The following CELF4 variants were observed in gnomAD, a reference collection of about 807,000 sequenced individuals.
CELF4 encodes the protein CUGBP Elav-like family member 4.
In CELF4, 18 loss-of-function variants were observed where a neutral mutation model predicts 59.9. The ratio of observed to expected loss-of-function variants is 0.30; its 90% confidence interval spans 0.21 to 0.45. The LOEUF (loss-of-function observed/expected upper bound fraction) is 0.45. CELF4 is among the 20% of genes least tolerant of loss of function. The pLI is 1.00. For missense variants in CELF4, 456 were observed against 689.0 expected (o/e 0.66, Z 3.79); for synonymous variants, 261 against 267.1 (o/e 0.98, Z 0.22).
intron 1 of CELF4, among the ~76,000 whole-genome samples, chr18:37,523,545 G>T (rs1220639167): frequency 6.6e-6 from 1 of 152,194 alleles, no homozygotes; most frequent in Non-Finnish European, 1.5e-5. Flanking sequence ...ACTGCTGGGA[G>T]AACAGGCGGC....
intron 2 of CELF4, among the ~76,000 whole-genome samples, chr18:37,463,851 C>T (rs1163345878): frequency 2.0e-5 from 3 of 152,142 alleles, no homozygotes; most frequent in Non-Finnish European, 2.9e-5. Context: ...CTGTCCCCAC[C>T]CAACTGAGTG....
intron 3 of CELF4, among the ~76,000 whole-genome samples, chr18:37,283,360 C>G (rs1023268377): frequency 6.6e-6 from 1 of 152,030 alleles, no homozygotes; most frequent in South Asian, 2.1e-4. Flanking sequence ...TGCTGAAACC[C>G]TGTGGTGGCT....
chr18:37,500,897 C>T (rs1267544508), intron 1 of CELF4, among the ~76,000 whole-genome samples: 2 of 152,130 alleles, frequency 1.3e-5, no homozygotes. Flanking sequence ...ACTGGGGAGG[C>T]TGAAGCACGT....
chr18:37,391,569 T>C (rs1315896257), intron 2 of CELF4, among the ~76,000 whole-genome samples: 2 of 152,198 alleles, frequency 1.3e-5, no homozygotes, highest in Non-Finnish European at 2.9e-5. Flanking sequence ...CATGATCTGT[T>C]CATGTGTCTA....
In CELF4 at chr18:37,414,226, CTATCTATCT is replaced by C. The variant is rs1240389532; in HGVS notation, c.369+71290_369+71298del. ...TCTATCTATCTATCTATCTATCTATCTATCTATCTATCTATCTATCCATCCATTCATACT... is the reference window on the plus strand; with the variant it reads ...TCTATCTATCTATCTATCTATCTATCATCTATCTATCCATCCATTCATACT... On this transcript the variant is annotated intron_variant, in intron 2 of 12. Coordinates refer to ENST00000420428, the MANE Select transcript of CELF4 (RefSeq NM_020180.4). 2.0e-5 allele frequency among the ~76,000 whole-genome samples: 3 copies of C among 151,578 alleles called. No homozygotes were observed. The East Asian group carries it at 5.8e-4, about 29-fold the overall frequency.
intron 2 of CELF4, among the ~76,000 whole-genome samples, chr18:37,469,580 A>G (rs959664147): frequency 2.0e-5 from 3 of 152,244 alleles, no homozygotes; most frequent in Non-Finnish European, 4.4e-5. Flanking sequence ...TAATTAGATC[A>G]GTTAACCTTG....
intron 1 of CELF4, among the ~76,000 whole-genome samples, chr18:37,493,694 A>G (rs2099917484): frequency 6.6e-6 from 1 of 152,008 alleles, no homozygotes; most frequent in Non-Finnish European, 1.5e-5. Context: ...GGGAGGGGGA[A>G]GATGGATGGT....
At chr18:37,556,813 T>C (rs903159855) in intron 1 of CELF4, among the ~76,000 whole-genome samples, 3 of 152,198 alleles carry the variant, frequency 2.0e-5, no homozygotes, top group African/African-American at 4.8e-5. Flanking sequence ...GACTGCATCA[T>C]TAAATTAGAA....
rs769982791 is a variant in CELF4 at position 37,253,850 on chromosome 18, C to A, written c.1422G>T (p.Val474=). The part of the protein sequence containing the change: ...GFQIGMKRLK[V]QLKRPKDANR... Reference sequence around the variant, plus strand: ...TGGCGTCTTTGGGCCGCTTCAGCTGCACCTTGAGCCTCTTCATGCCGATCT... The same window carrying A: ...TGGCGTCTTTGGGCCGCTTCAGCTGAACCTTGAGCCTCTTCATGCCGATCT... Residue 474 remains valine (V), a synonymous_variant, in exon 12 of 13, where the codon GTG becomes GTT. Transcript: ENST00000420428. This position sits in a 1 kb window ranked among gnomAD's most constrained non-coding sequence, Gnocchi z 4.5. 1.2e-5 allele frequency: 19 copies of A among 1,608,334 alleles called. No homozygotes were observed. The highest frequency in any genetic ancestry group is 1.6e-5 in the Non-Finnish European group (19 of 1,177,680).
rs1447282736 is a variant in CELF4, at chr18:37,333,755, TCC to T, written c.370-11876_370-11875del. ...ATCCATCCATCCATCCATCCATCCATCCGTGCATCCATCCATCCCTCCATCCA... is the reference window on the plus strand; with the variant it reads ...ATCCATCCATCCATCCATCCATCCATGTGCATCCATCCATCCCTCCATCCA... On this transcript the variant is annotated intron_variant, in intron 2 of 12. Transcript: ENST00000420428. 4.1e-5 allele frequency among the ~76,000 whole-genome samples: 6 copies of T among 147,410 alleles called. No individual in the cohort carries two copies. In the South Asian group the frequency reaches 8.9e-4, roughly 22 times the overall value.
At chr18:37,528,442 G>T (rs1196558176) in intron 1 of CELF4, among the ~76,000 whole-genome samples, 1 of 152,150 alleles carries the variant, frequency 6.6e-6, no homozygotes, top group Non-Finnish European at 1.5e-5. Flanking sequence ...TATCGGTGGG[G>T]GGTCTGGCTA....
intron 8 of CELF4, among the ~76,000 whole-genome samples, chr18:37,267,601 A>G (rs1327949089): frequency 6.6e-6 from 1 of 152,144 alleles, no homozygotes; most frequent in Non-Finnish European, 1.5e-5. Flanking sequence ...GGAAGAAACT[A>G]TCTGGGCTTA....
intron 3 of CELF4, among the ~76,000 whole-genome samples, chr18:37,305,044 T>C (rs995582395): frequency 6.6e-6 from 1 of 151,836 alleles, no homozygotes; most frequent in African/African-American, 2.4e-5. Context: ...GGCCACAGCG[T>C]GGAGGGGAAC....
At chr18:37,551,419 G>C (rs977714468) in intron 1 of CELF4, among the ~76,000 whole-genome samples, 2 of 152,206 alleles carry the variant, frequency 1.3e-5, no homozygotes, top group East Asian at 1.9e-4. Context: ...CGTTGCCCAG[G>C]TGTGCTGTTG....
chr18:37,262,389 G>C lies in CELF4; in HGVS notation c.1249+2285C>G, dbSNP rs575202404. ...GGGCCTAGACTAGGGAGCAAGGTGT[G>C]TGTGTGGGGTGGGGGAGGGGGGGGC... is the stretch of plus-strand genomic sequence containing the variant. On this transcript the variant is annotated intron_variant, in intron 10 of 12. Coordinates refer to ENST00000420428, the MANE Select transcript of CELF4 (RefSeq NM_020180.4). Among the ~76,000 whole-genome samples the C allele has an allele frequency of 2.0e-5, 3 of 151,908 alleles. No individual in the cohort carries two copies. The South Asian group carries it at 6.3e-4, about 32-fold the overall frequency.
At chr18:37,506,495 G>A (rs1050051278) in intron 1 of CELF4, among the ~76,000 whole-genome samples, 2 of 152,184 alleles carry the variant, frequency 1.3e-5, no homozygotes, top group African/African-American at 2.4e-5. Context: ...GGGCACAGAG[G>A]TGACTTCTCA....
intron 2 of CELF4, among the ~76,000 whole-genome samples, chr18:37,341,754 G>A (rs1187044590): frequency 2.0e-5 from 3 of 152,160 alleles, no homozygotes; most frequent in Non-Finnish European, 4.4e-5. Flanking sequence ...CTCTAGGAGT[G>A]TATGATGACA....
chr18:37,523,556 A>G (rs2099960081), intron 1 of CELF4, among the ~76,000 whole-genome samples: 1 of 152,224 alleles, frequency 6.6e-6, no homozygotes, highest in African/African-American at 2.4e-5. Flanking sequence ...AACAGGCGGC[A>G]AAACTCGGGC....
intron 2 of CELF4, among the ~76,000 whole-genome samples, chr18:37,459,632 C>T (rs772416868): frequency 1.3e-5 from 2 of 152,140 alleles, no homozygotes; most frequent in African/African-American, 4.8e-5. Context: ...TCCTGTCACA[C>T]ATGAGCCTGT....
Sources: gnomAD v4.1 joint callset for allele counts (sites outside exome capture counted in the v4.1 genomes callset) on GRCh38, gnomAD v4.1.1 for gene constraint, Gnocchi (gnomAD v3.1) non-coding constraint, MANE v1.5 for transcripts, NCBI Gene and HGNC (gene_info 2026-07-23, HGNC 2026-07-21) for gene names.